ELOVL6: variants seen among roughly 807,000 people sequenced by gnomAD.
ELOVL6 encodes very long chain fatty acid elongase 6.
ELOVL6 carries 8 observed loss-of-function variants against 31.7 expected under a neutral mutation model. The observed-to-expected ratio is 0.25, with a 90% CI of 0.15 to 0.45. The LOEUF (loss-of-function observed/expected upper bound fraction) is 0.45. ELOVL6 is among the 20% of genes least tolerant of loss of function. ELOVL6 has a pLI of 1.00. For synonymous variants in ELOVL6, 101 were observed against 117.7 expected (o/e 0.86, Z 0.92); for missense variants, 126 against 326.4 (o/e 0.39, Z 4.73).
At chr4:110,123,943 T>C (rs1450154854) in intron 1 of ELOVL6, among the ~76,000 whole-genome samples, 1 of 152,214 alleles carries the variant, frequency 6.6e-6, no homozygotes, top group Non-Finnish European at 1.5e-5. Context: ...GAAGGTTTGT[T>C]TGTTTTTATC....
chr4:110,152,719 C>T (rs969497870), intron 1 of ELOVL6, among the ~76,000 whole-genome samples: 7 of 152,120 alleles, frequency 4.6e-5, no homozygotes, highest in South Asian at 2.1e-4. Flanking sequence ...ACAGATCACA[C>T]GTAGAAGTAG....
chr4:110,157,627 C>T (rs190200392), intron 1 of ELOVL6, among the ~76,000 whole-genome samples: 95 of 151,776 alleles, frequency 6.3e-4, no homozygotes, highest in African/African-American at 2.2e-3. Context: ...GCTGAGATAG[C>T]GCCACTGCAC....
intron 1 of ELOVL6, among the ~76,000 whole-genome samples, chr4:110,116,676 C>T (rs1186898573): frequency 6.6e-6 from 1 of 152,212 alleles, no homozygotes; most frequent in Non-Finnish European, 1.5e-5. Flanking sequence ...GGTTTGTAAC[C>T]ATTCTCTTAA....
intron 2 of ELOVL6, among the ~76,000 whole-genome samples, chr4:110,071,646 C>T (rs1755486808): frequency 6.6e-6 from 1 of 152,154 alleles, no homozygotes; most frequent in African/African-American, 2.4e-5. Context: ...CTTCCCTCCA[C>T]AGTTTCCTCC....
At chr4:110,065,800 TG>T (rs1051810083) in intron 2 of ELOVL6, among the ~76,000 whole-genome samples, 1 of 152,146 alleles carries the variant, frequency 6.6e-6, no homozygotes, top group Non-Finnish European at 1.5e-5. Flanking sequence ...AATTCTGCCC[TG>T]GGGGGAAAAA....
chr4:110,174,539 C>A (rs1052769251), intron 1 of ELOVL6, among the ~76,000 whole-genome samples: 1 of 152,068 alleles, frequency 6.6e-6, no homozygotes, highest in Non-Finnish European at 1.5e-5. Context: ...TTAAAAAGGT[C>A]AAATGGTATC....
At chr4:110,193,242 A>G (rs1578294111) in intron 1 of ELOVL6, among the ~76,000 whole-genome samples, 1 of 152,246 alleles carries the variant, frequency 6.6e-6, no homozygotes, top group East Asian at 1.9e-4. Flanking sequence ...TTCTTTAATC[A>G]TGAAATTGTA....
chr4:110,115,445 T>G (rs1389799929), intron 1 of ELOVL6, among the ~76,000 whole-genome samples: 1 of 152,088 alleles, frequency 6.6e-6, no homozygotes, highest in Non-Finnish European at 1.5e-5. Context: ...ATCTTGTTCT[T>G]AAAAATAATA....
At chr4:110,086,578 C>G (rs944904056) in intron 2 of ELOVL6, among the ~76,000 whole-genome samples, 3 of 152,066 alleles carry the variant, frequency 2.0e-5, no homozygotes, top group African/African-American at 7.2e-5. Context: ...CTCAGAAGTT[C>G]CTAAGTGTGA....
At chr4:110,074,212 G>T (rs955771988) in intron 2 of ELOVL6, among the ~76,000 whole-genome samples, 1 of 152,194 alleles carries the variant, frequency 6.6e-6, no homozygotes, top group African/African-American at 2.4e-5. Flanking sequence ...CACATAACCT[G>T]TGTCCATCTT....
intron 1 of ELOVL6, among the ~76,000 whole-genome samples, chr4:110,165,589 G>T (rs1758752479): frequency 6.6e-6 from 1 of 152,214 alleles, no homozygotes; most frequent in Admixed American, 6.5e-5. Flanking sequence ...GTTCTCTGTA[G>T]CACATGTGGC....
At chr4:110,084,762 T>A (rs1162962952) in intron 2 of ELOVL6, among the ~76,000 whole-genome samples, 8 of 150,400 alleles carry the variant, frequency 5.3e-5, no homozygotes, top group African/African-American at 2.0e-4. Context: ...ACCTGGCTAA[T>A]TTTTGTGTGT....
intron 2 of ELOVL6, among the ~76,000 whole-genome samples, chr4:110,101,242 G>A (rs1012624495): frequency 4.6e-5 from 7 of 152,072 alleles, no homozygotes; most frequent in Non-Finnish European, 7.4e-5. Flanking sequence ...GTTTCACCAC[G>A]TTGGCCAGGC....
At chr4:110,125,031 T>C (rs1276745020) in intron 1 of ELOVL6, among the ~76,000 whole-genome samples, 1 of 152,192 alleles carries the variant, frequency 6.6e-6, no homozygotes, top group African/African-American at 2.4e-5. Flanking sequence ...TAAAACCTAA[T>C]GGTATTGTGG....
chr4:110,173,211 CAG>C (rs1156309579), intron 1 of ELOVL6, among the ~76,000 whole-genome samples: 3 of 152,146 alleles, frequency 2.0e-5, no homozygotes, highest in East Asian at 1.9e-4. Context: ...TGAGAACAAA[CAG>C]AGAGAAATAT....
chr4:110,156,019 T>G (rs1161811966), intron 1 of ELOVL6, among the ~76,000 whole-genome samples: 1 of 152,226 alleles, frequency 6.6e-6, no homozygotes, highest in Non-Finnish European at 1.5e-5. Flanking sequence ...AATAGTGCCT[T>G]AGTGGGCACA....
In ELOVL6 at chr4:110,137,745, A is replaced by C. The variant is rs1229348153; in HGVS notation, c.90-32117T>G. ...CATTACATAAATTCCTCAACAACAC[A>C]CTCTGAGGCCATAACAAACTTTTAG... On this transcript the variant is annotated intron_variant, in intron 1 of 3. Coordinates refer to ENST00000302274, the MANE Select transcript of ELOVL6 (RefSeq NM_024090.3). Among the ~76,000 whole-genome samples the C allele has an allele frequency of 2.6e-5, 4 of 152,066 alleles. No individual in the cohort carries two copies. The South Asian group carries it at 8.3e-4, about 32-fold the overall frequency.
chr4:110,138,247 T>G (rs886088537), intron 1 of ELOVL6, among the ~76,000 whole-genome samples: 5 of 152,252 alleles, frequency 3.3e-5, no homozygotes, highest in African/African-American at 4.8e-5. Context: ...CTTGTGGTTG[T>G]AAAGCAAGCT....
chr4:110,161,935 T>C (rs1444600847), intron 1 of ELOVL6, among the ~76,000 whole-genome samples: 1 of 152,192 alleles, frequency 6.6e-6, no homozygotes, highest in African/African-American at 2.4e-5. Context: ...AGAACATATC[T>C]ACCTGGAATA....
Sources: gnomAD v4.1 joint callset for allele counts (sites outside exome capture counted in the v4.1 genomes callset) on GRCh38, gnomAD v4.1.1 for gene constraint, MANE v1.5 for transcripts, NCBI Gene and HGNC (gene_info 2026-07-23, HGNC 2026-07-21) for gene names.